The following CRB1 variants were observed in gnomAD, a reference collection of about 807,000 sequenced individuals.
CRB1 encodes protein crumbs homolog 1.
A neutral mutation model predicts 120.0 loss-of-function variants in CRB1; 83 were observed. That is an observed-to-expected ratio of 0.69 (90% CI 0.58 to 0.83). CRB1 has a LOEUF of 0.83. Ranked by LOEUF, CRB1 falls within the 40% of genes least tolerant of loss-of-function variation. The pLI is 0.00. For missense variants in CRB1, 1,699 were observed against 1,687.6 expected (o/e 1.01, Z -0.12); for synonymous variants, 625 against 612.5 (o/e 1.02, Z -0.30).
At chr1:197,252,580 ATATGTGTGTGTGTGTG>A in the CRB1 span, among the ~76,000 whole-genome samples, 2 of 22,318 alleles carry the variant, frequency 9.0e-5, no homozygotes, top group African/African-American at 1.1e-4. Flanking sequence ...ATATATATAT[ATATGTGTGTGTGTGTG>A]TGTGTGTGTG....
chr1:197,311,698 A>AGTGTGTGTGTGT (rs57455433), intron 1 of CRB1, among the ~76,000 whole-genome samples: 16 of 138,910 alleles, frequency 1.2e-4, no homozygotes, highest in Non-Finnish European at 1.9e-4. Context: ...TCATATAGTT[A>AGTGTGTGTGTGT]GTGTGTGTGT....
chr1:197,301,741 GA>G (rs1428102256), intron 1 of CRB1, among the ~76,000 whole-genome samples: 3 of 152,152 alleles, frequency 2.0e-5, no homozygotes, highest in African/African-American at 7.2e-5. Context: ...GGATGACTTT[GA>G]GGGGTTCAAC....
intron 5 of CRB1, among the ~76,000 whole-genome samples, chr1:197,362,170 T>C (rs1180832302): frequency 2.0e-5 from 3 of 152,136 alleles, no homozygotes; most frequent in Admixed American, 6.5e-5. Flanking sequence ...CTGTTATTGA[T>C]TTTCAGTTTG....
chr1:197,442,742 T>A (rs1665515490), intron 11 of CRB1: 1 of 281,228 alleles, frequency 3.6e-6, no homozygotes, highest in African/African-American at 2.2e-5. Flanking sequence ...CATTTCTGGG[T>A]ATTTTCACAT....
rs1167625592 is a variant in CRB1, at chr1:197,421,754, T to C, written c.1926T>C (p.Cys642=). 6.2e-7 allele frequency: 1 copy of C among 1,614,148 alleles called. No individual in the cohort carries two copies. Among genetic ancestry groups the C allele is most frequent in the African/African-American group, 1.3e-5 (1 of 75,062 alleles). Residue 642 remains cysteine, a synonymous_variant, in exon 6 of 12, where the codon TGT becomes TGC. Transcript: ENST00000367400. ...NMPSTPSFVG[C]LQDIKIDWNH... ...CATCCACACCTTCGTTTGTAGGCTG[T>C]CTCCAAGACATTAAAATTGATTGGA...
intron 5 of CRB1, among the ~76,000 whole-genome samples, chr1:197,358,441 GGAGA>G (rs1246991532): frequency 6.6e-6 from 1 of 152,198 alleles, no homozygotes; most frequent in Non-Finnish European, 1.5e-5. Flanking sequence ...AGATCTAAAA[GGAGA>G]GACAGTAGAA....
At chr1:197,419,082 G>A (rs530736491) in intron 5 of CRB1, among the ~76,000 whole-genome samples, 1 of 152,192 alleles carries the variant, frequency 6.6e-6, no homozygotes, top group Non-Finnish European at 1.5e-5. Flanking sequence ...TGTCTTAACT[G>A]GTTTAATCTT....
At chr1:197,339,469 A>G (rs910580912) in intron 2 of CRB1, among the ~76,000 whole-genome samples, 1 of 152,350 alleles carries the variant, frequency 6.6e-6, no homozygotes, top group South Asian at 2.1e-4. Context: ...TTATGCATAG[A>G]GGCCTGTTAG....
intron 7 of CRB1, chr1:197,429,185 G>C: frequency 2.6e-6 from 4 of 1,518,526 alleles, no homozygotes; most frequent in Non-Finnish European, 2.6e-6. Context: ...AGAGGACACT[G>C]CTATACTTGA....
At chr1:197,257,595 A>G in the CRB1 span, among the ~76,000 whole-genome samples, 12 of 152,334 alleles carry the variant, frequency 7.9e-5, no homozygotes, top group Non-Finnish European at 1.6e-4. Context: ...AATTTAGCCT[A>G]GATCAAGCCT....
chr1:197,318,116 T>C (rs1657963576), intron 1 of CRB1, among the ~76,000 whole-genome samples: 1 of 152,092 alleles, frequency 6.6e-6, no homozygotes, highest in African/African-American at 2.4e-5. Context: ...AAGGGGTTAA[T>C]ATCCAAAATA....
chr1:197,332,593 C>A (rs1408691680), intron 2 of CRB1, among the ~76,000 whole-genome samples: 1 of 152,080 alleles, frequency 6.6e-6, no homozygotes, highest in East Asian at 1.9e-4. Context: ...CAATCTCCTA[C>A]ACAAGTAGAA....
chr1:197,286,816 C>T, intron 1 of CRB1, among the ~76,000 whole-genome samples: 1 of 151,728 alleles, frequency 6.6e-6, no homozygotes. Flanking sequence ...TTGTTTATAT[C>T]TGTAATTTAA....
intron 5 of CRB1, among the ~76,000 whole-genome samples, chr1:197,400,601 C>T (rs1166337890): frequency 6.6e-6 from 1 of 151,970 alleles, no homozygotes; most frequent in African/African-American, 2.4e-5. Flanking sequence ...CCTGCTTCTT[C>T]CTTCCAGAGT....
intron 5 of CRB1, among the ~76,000 whole-genome samples, chr1:197,365,622 T>C (rs538370041): frequency 1.5e-5 from 2 of 129,708 alleles, no homozygotes; most frequent in South Asian, 4.3e-4. Context: ...TTCTTCTTCT[T>C]CTTCTTTTTT....
intron 1 of CRB1, among the ~76,000 whole-genome samples, chr1:197,324,157 A>G (rs1161592043): frequency 2.6e-5 from 4 of 152,168 alleles, no homozygotes; most frequent in Admixed American, 6.5e-5. Context: ...AGGAGTTTGC[A>G]TGAGTATTAA....
intron 1 of CRB1, among the ~76,000 whole-genome samples, chr1:197,319,315 C>A (rs1271054746): frequency 7.2e-6 from 1 of 138,202 alleles, no homozygotes; most frequent in African/African-American, 2.7e-5. Flanking sequence ...GTAGTCCCAG[C>A]TACTTGGGAG....
At chr1:197,322,560 C>A (rs10922197) in intron 1 of CRB1, among the ~76,000 whole-genome samples, 53,380 of 151,560 alleles carry the variant, frequency 0.35, 11,873 homozygotes, top group East Asian at 0.78. Flanking sequence ...AATTAATTTG[C>A]CTGTTTGTTT....
chr1:197,435,470 G>A lies in CRB1; in HGVS notation c.3607G>A (p.Glu1203Lys). 1 of 1,599,550 alleles carries A rather than the reference G, an allele frequency of 6.3e-7. No homozygotes were observed. Among genetic ancestry groups the A allele is most frequent in the Non-Finnish European group, 8.5e-7 (1 of 1,172,390 alleles). ...AGTTGCAGCCTACCACTGCACATGT[G>A]AGCCTGGATACACTGGTGTGAACTG... ...DRVAAYHCTC[E>K]PGYTGVNCEV... The change falls in exon 9 of 12, where the codon GAG (glutamate) becomes AAG (lysine). Residue 1203 changes from glutamate (E) to lysine (K), a missense_variant. Transcript: ENST00000367400.
Sources: gnomAD v4.1 joint callset for allele counts (sites outside exome capture counted in the v4.1 genomes callset) on GRCh38, gnomAD v4.1.1 for gene constraint, MANE v1.5 for transcripts, NCBI Gene and HGNC (gene_info 2026-07-23, HGNC 2026-07-21) for gene names.